Variants in TYW1 observed in about 807,000 individuals in gnomAD.
TYW1 encodes the protein tRNA-yW synthesizing protein 1 homolog.
In TYW1, 46 loss-of-function variants were observed where a neutral mutation model predicts 96.2. That is an observed-to-expected ratio of 0.48 (90% CI 0.38 to 0.61). The LOEUF (loss-of-function observed/expected upper bound fraction) is 0.61, where lower values mean the gene tolerates loss of function less well. Among genes scored for constraint, TYW1 ranks in the 20% least tolerant of loss-of-function variants. The pLI is 0.00. For synonymous variants in TYW1, 274 were observed against 323.0 expected (o/e 0.85, Z 1.63); for missense variants, 684 against 909.6 (o/e 0.75, Z 3.19).
At chr7:67,139,728 GGTGTGTGTGTGTGTGTGTGTGT>G (rs55993805) in intron 13 of TYW1, among the ~76,000 whole-genome samples, 3 of 138,436 alleles carry the variant, frequency 2.2e-5, no homozygotes, top group African/African-American at 8.3e-5. Flanking sequence ...TGTGTATACA[GGTGTGTGTGTGTGTGTGTGTGT>G]GTGTGTGTGT....
intron 15 of TYW1, among the ~76,000 whole-genome samples, chr7:67,227,036 G>A (rs1015825710): frequency 1.3e-5 from 2 of 152,038 alleles, no homozygotes; most frequent in African/African-American, 4.8e-5. Context: ...TGAATGATTC[G>A]TTTTGCATTA....
At chr7:67,032,853 T>G (rs2129251307) in intron 7 of TYW1, among the ~76,000 whole-genome samples, 1 of 151,470 alleles carries the variant, frequency 6.6e-6, no homozygotes, top group South Asian at 2.1e-4. Flanking sequence ...CCTTCTTTTT[T>G]GAGCCCATTT....
chr7:67,043,027 A>G (rs1795079550), intron 7 of TYW1, among the ~76,000 whole-genome samples: 3 of 151,696 alleles, frequency 2.0e-5, no homozygotes, highest in South Asian at 4.2e-4. Context: ...AGGAGAAATC[A>G]AAATACATAC....
intron 13 of TYW1, among the ~76,000 whole-genome samples, chr7:67,159,337 G>A (rs1172018050): frequency 1.3e-5 from 2 of 152,246 alleles, no homozygotes; most frequent in East Asian, 1.9e-4. Context: ...GGCTACAGTT[G>A]TAAAGTTTAA....
At chr7:67,009,510 T>G in intron 3 of TYW1, 73 bp from the exon 4 acceptor site, 1 of 1,336,714 alleles carries the variant, frequency 7.5e-7, no homozygotes, top group Non-Finnish European at 1.0e-6. Context: ...CACATTCTTG[T>G]GCCAACAGGG....
chr7:67,006,948 C>CTGTTTTTTTTTTTT (rs1793614563), intron 3 of TYW1, among the ~76,000 whole-genome samples: 1 of 45,118 alleles, frequency 2.2e-5, no homozygotes, highest in Non-Finnish European at 3.7e-5. Flanking sequence ...AGATGTGAGG[C>CTGTTTTTTTTTTTT]TTTTTTTTTT....
chr7:67,091,410 G>A (rs1796716843), intron 11 of TYW1, among the ~76,000 whole-genome samples: 1 of 134,610 alleles, frequency 7.4e-6, no homozygotes, highest in Middle Eastern at 3.8e-3. Context: ...ATCGGGGCCT[G>A]TCATGGGTTG....
intron 3 of TYW1, among the ~76,000 whole-genome samples, chr7:67,008,286 G>T (rs1312228925): frequency 1.3e-5 from 2 of 152,154 alleles, no homozygotes; most frequent in African/African-American, 2.4e-5. Flanking sequence ...ATTGTTCAGG[G>T]GTTTTTCTTG....
At position 67,024,992 on chromosome 7, in the gene TYW1, C is replaced by G; in HGVS notation, c.954C>G (p.Gly318=). ...CCATTGTTGATGTTGAAGATTTGGG[C>G]AAAATTATGGATCATGTGAAGAAAG... ...LNSIVDVEDL[G]KIMDHVKKEK... is the part of the protein sequence containing the mutation. The change falls in exon 7 of 16, where the codon GGC becomes GGG. Residue 318 remains glycine (G), a synonymous_variant. Transcript: ENST00000359626. The G allele has an allele frequency of 6.2e-7, 1 of 1,613,688 alleles. No homozygotes were observed. Among genetic ancestry groups the G allele is most frequent in the Non-Finnish European group, 8.5e-7 (1 of 1,179,798 alleles).
At chr7:67,216,049 C>T (rs1801189679) in intron 15 of TYW1, among the ~76,000 whole-genome samples, 4 of 152,016 alleles carry the variant, frequency 2.6e-5, no homozygotes, top group South Asian at 4.2e-4. Flanking sequence ...CCATCATGTT[C>T]GAATCTGTCC....
At chr7:67,121,842 C>G (rs1324015354) in intron 13 of TYW1, among the ~76,000 whole-genome samples, 9 of 150,456 alleles carry the variant, frequency 6.0e-5, no homozygotes, top group Non-Finnish European at 1.0e-4. Flanking sequence ...ATTTCCAGAT[C>G]TTTATCCTTT....
chr7:67,001,148 C>T (rs1322157217), intron 3 of TYW1, among the ~76,000 whole-genome samples: 2 of 152,130 alleles, frequency 1.3e-5, no homozygotes, highest in Non-Finnish European at 2.9e-5. Context: ...TCCAGGTGTA[C>T]AGAAAGTTCA....
Position 67,075,438 on chromosome 7 carries a change from C to T in TYW1, c.1275-7992C>T, listed in dbSNP as rs570191164. 1.5e-3 allele frequency among the ~76,000 whole-genome samples: 223 copies of T among 152,208 alleles called. 1 individual carries two copies. Among genetic ancestry groups the T allele is most frequent in the Non-Finnish European group, 9.4e-4 (64 of 68,018 alleles). ...AGAAGATATACAAATGACCAGTAAG[C>T]ACATGAAAAGATATTCATAATATCC... On this transcript the variant is annotated intron_variant, in intron 10 of 15. Coordinates refer to ENST00000359626, the MANE Select transcript of TYW1 (RefSeq NM_018264.4).
At chr7:67,049,190 A>G (rs1217294744) in intron 7 of TYW1, among the ~76,000 whole-genome samples, 1 of 152,188 alleles carries the variant, frequency 6.6e-6, no homozygotes, top group Non-Finnish European at 1.5e-5. Flanking sequence ...ATTGTACATC[A>G]GGGGTTGTGC....
chr7:67,186,377 A>G lies in TYW1; in HGVS notation c.1809+3141A>G, dbSNP rs115928377. Among the ~76,000 whole-genome samples the G allele has an allele frequency of 4.5e-3, 688 of 151,544 alleles. 5 individuals carry two copies. Among genetic ancestry groups the G allele is most frequent in the African/African-American group, 0.016 (658 of 41,346 alleles). ...ATCAGTCAACATTATTTTTTAAAGA[A>G]TGACAGCTACTTGGTAAACAGTATA... On this transcript the variant is annotated intron_variant, in intron 14 of 15. Coordinates refer to ENST00000359626, the MANE Select transcript of TYW1 (RefSeq NM_018264.4).
At chr7:67,118,666 G>A (rs1797671211) in intron 13 of TYW1, among the ~76,000 whole-genome samples, 2 of 151,056 alleles carry the variant, frequency 1.3e-5, no homozygotes, top group South Asian at 4.2e-4. Context: ...AGGCCAAGGT[G>A]GGCAGATCAC....
chr7:67,003,022 C>T (rs1339058945), intron 3 of TYW1, among the ~76,000 whole-genome samples: 3 of 151,930 alleles, frequency 2.0e-5, no homozygotes, highest in East Asian at 3.9e-4. Context: ...TCACCCGCCT[C>T]GGCCACTGAA....
intron 12 of TYW1, among the ~76,000 whole-genome samples, chr7:67,105,003 G>T (rs1303557886): frequency 1.3e-5 from 2 of 152,236 alleles, no homozygotes; most frequent in African/African-American, 4.8e-5. Context: ...GGGCCCAGGG[G>T]CCTCTACTCA....
At chr7:67,237,179 C>T (rs1299286723) in intron 15 of TYW1, among the ~76,000 whole-genome samples, 1 of 152,202 alleles carries the variant, frequency 6.6e-6, no homozygotes, top group Non-Finnish European at 1.5e-5. Context: ...AGCCACCGTG[C>T]CTGGCCATTA....
Sources: gnomAD v4.1 joint callset for allele counts (sites outside exome capture counted in the v4.1 genomes callset) on GRCh38, gnomAD v4.1.1 for gene constraint, MANE v1.5 for transcripts, NCBI Gene and HGNC (gene_info 2026-07-23, HGNC 2026-07-21) for gene names.